The following PPP2R5A variants were observed in gnomAD, a reference collection of about 807,000 sequenced individuals.
PPP2R5A encodes the protein serine/threonine-protein phosphatase 2A 56 kDa regulatory subunit alpha isoform.
PPP2R5A carries 25 observed loss-of-function variants against 64.2 expected under a neutral mutation model. That is an observed-to-expected ratio of 0.39 (90% CI 0.28 to 0.54). PPP2R5A has a LOEUF of 0.54. Among genes scored for constraint, PPP2R5A ranks in the 20% least tolerant of loss-of-function variants. PPP2R5A has a pLI of 0.67. For missense variants in PPP2R5A, 425 were observed against 576.3 expected (o/e 0.74, Z 2.69); for synonymous variants, 198 against 201.2 (o/e 0.98, Z 0.13).
At chr1:212,360,335 G>A (rs551889017) in intron 12 of PPP2R5A, among the ~76,000 whole-genome samples, 2 of 152,286 alleles carry the variant, frequency 1.3e-5, no homozygotes, top group South Asian at 2.1e-4. Flanking sequence ...AGATGTTTAC[G>A]TGAGAAAATT....
chr1:212,286,123 T>TCGCCGC lies in PPP2R5A; in HGVS notation c.16_21dup (p.Pro6_Pro7dup). The stretch of plus-strand genomic sequence containing the variant: ...CAGGGCCGCGGAGATGTCGTCGTCG[T>TCGCCGC]CGCCGCCGGCGGGGGCTGCCAGCGC... On this transcript the variant is annotated inframe_insertion, in exon 1 of 13. Coordinates refer to ENST00000261461, the MANE Select transcript of PPP2R5A (RefSeq NM_006243.4). 1 of 1,577,758 alleles carries TCGCCGC rather than the reference T, an allele frequency of 6.3e-7. No individual in the cohort carries two copies. Among genetic ancestry groups the TCGCCGC allele is most frequent in the Non-Finnish European group, 8.6e-7 (1 of 1,165,376 alleles).
chr1:212,286,029 C>T lies in PPP2R5A; in HGVS notation c.-82C>T. 3.6e-6 allele frequency: 5 copies of T among 1,383,616 alleles called. No homozygotes were observed. The South Asian group carries it at 7.6e-5, about 21-fold the overall frequency. The allele number at this position is 1,383,616 out of a possible 1,614,324, so 85.7% of individuals were successfully genotyped here. On this transcript the variant is annotated 5_prime_UTR_variant, in exon 1 of 13. Transcript: ENST00000261461. ...AGGGGCGCGAGCACCCCGCGCCTCT[C>T]CCCCGCCTCCTCCTGCCGTCTCCGC...
chr1:212,322,233 G>T (rs1659316048), intron 1 of PPP2R5A, among the ~76,000 whole-genome samples: 1 of 138,692 alleles, frequency 7.2e-6, no homozygotes, highest in African/African-American at 2.8e-5. Flanking sequence ...AGAGGGAGAG[G>T]GAGAGGGAGA....
intron 3 of PPP2R5A, among the ~76,000 whole-genome samples, chr1:212,339,094 C>T (rs1659641056): frequency 6.6e-6 from 1 of 152,130 alleles, no homozygotes; most frequent in Admixed American, 6.5e-5. Context: ...AGCATAATCT[C>T]AATTATTCCA....
chr1:212,324,299 G>A (rs1659368930), intron 1 of PPP2R5A, among the ~76,000 whole-genome samples: 1 of 152,166 alleles, frequency 6.6e-6, no homozygotes, highest in South Asian at 2.1e-4. Context: ...AAAAGGAAGT[G>A]TATGTGTGTC....
In PPP2R5A at chr1:212,292,702, GGT is replaced by G. The variant is rs527919623; in HGVS notation, c.181+6417_181+6418del. On this transcript the variant is annotated intron_variant, in intron 1 of 12. Transcript: ENST00000261461. ...ATTGTCCCAAGTAGCTAGGACTACA[GGT>G]GTGTGCTGCCACACCCAGCTAAGTT... Among the ~76,000 whole-genome samples, 3 of 152,284 alleles carry G rather than the reference GGT, an allele frequency of 2.0e-5. No individual in the cohort carries two copies. The South Asian group carries it at 6.2e-4, about 32-fold the overall frequency.
At chr1:212,349,361 TAGA>T (rs1222801695) in intron 8 of PPP2R5A, 119 bp downstream of exon 8, 4 of 682,678 alleles carry the variant, frequency 5.9e-6, no homozygotes, top group Non-Finnish European at 8.8e-6. Context: ...TAAAATCATT[TAGA>T]AGAAGAAATG....
At chr1:212,327,441 G>T (rs1237712672) in intron 1 of PPP2R5A, among the ~76,000 whole-genome samples, 1 of 152,180 alleles carries the variant, frequency 6.6e-6, no homozygotes, top group Non-Finnish European at 1.5e-5. Flanking sequence ...CGAGACTTGA[G>T]TCTCACTCTG....
intron 5 of PPP2R5A, 31 bp downstream of exon 5, chr1:212,345,964 T>A: frequency 6.5e-7 from 1 of 1,530,942 alleles, no homozygotes; most frequent in Non-Finnish European, 8.9e-7. Context: ...ATATTGCACC[T>A]TTTCCTCCTA....
chr1:212,335,496 G>T (rs1260841948), intron 3 of PPP2R5A, among the ~76,000 whole-genome samples: 1 of 150,724 alleles, frequency 6.6e-6, no homozygotes, highest in Non-Finnish European at 1.5e-5. Context: ...AAAGAAAAAA[G>T]ATGAGAGAAA....
intron 1 of PPP2R5A, among the ~76,000 whole-genome samples, chr1:212,291,099 CATTTA>C (rs1658594481): frequency 6.6e-6 from 1 of 151,736 alleles, no homozygotes; most frequent in African/African-American, 2.4e-5. Context: ...TTGGAGAGGT[CATTTA>C]TTTTATTTTA....
intron 1 of PPP2R5A, chr1:212,308,962 CTGTT>C (rs1304445692): frequency 1.0e-5 from 6 of 594,172 alleles, no homozygotes; most frequent in African/African-American, 1.9e-5. Context: ...ATGATATTCT[CTGTT>C]TGATGTAACA....
chr1:212,331,221 C>T (rs1006747581), intron 2 of PPP2R5A, among the ~76,000 whole-genome samples: 8 of 150,886 alleles, frequency 5.3e-5, no homozygotes, highest in Non-Finnish European at 1.0e-4. Flanking sequence ...AGTGCAGTGG[C>T]GTAATCATAG....
Position 212,356,983 on chromosome 1 carries a change from G to C in PPP2R5A, c.1012G>C (p.Asp338His). ...TTTAGGAGAAATTGAAGAAATCTTA[G>C]ATGTCATTGAACCAACACAGTTCAA... ...MFLGEIEEIL[D>H]VIEPTQFKKI... Residue 338 changes from aspartate (D) to histidine (H), a missense_variant, in exon 10 of 13, where the codon GAT (aspartate) becomes CAT (histidine). Around this residue, in one of 4 missense-constraint regions of PPP2R5A, gnomAD observed 177 missense variants for 244.8 expected, o/e 0.72. Coordinates refer to ENST00000261461, the MANE Select transcript of PPP2R5A (RefSeq NM_006243.4). The C allele has an allele frequency of 1.9e-6, 3 of 1,598,016 alleles. No homozygotes were observed. Among genetic ancestry groups the C allele is most frequent in the Non-Finnish European group, 2.6e-6 (3 of 1,170,682 alleles).
intron 7 of PPP2R5A, 25 bp downstream of exon 7, chr1:212,348,522 G>A: frequency 1.4e-6 from 2 of 1,441,548 alleles, no homozygotes; most frequent in South Asian, 2.4e-5. Context: ...CATTTCAGAT[G>A]AAATGAATAT....
chr1:212,311,625 C>A (rs928199063), intron 1 of PPP2R5A, among the ~76,000 whole-genome samples: 1 of 151,970 alleles, frequency 6.6e-6, no homozygotes, highest in African/African-American at 2.4e-5. Flanking sequence ...TGTAAAGCAG[C>A]CTCAGGCAGG....
At chr1:212,330,889 T>C (rs1267811948) in intron 2 of PPP2R5A, among the ~76,000 whole-genome samples, 1 of 151,678 alleles carries the variant, frequency 6.6e-6, no homozygotes, top group Non-Finnish European at 1.5e-5. Context: ...CAGAGTTGGC[T>C]GGGCACAGTG....
At chr1:212,320,667 G>T (rs1276552834) in intron 1 of PPP2R5A, among the ~76,000 whole-genome samples, 1 of 111,104 alleles carries the variant, frequency 9.0e-6, no homozygotes, top group Non-Finnish European at 2.1e-5. Flanking sequence ...CGGATGGGGC[G>T]GCTGGCCGGG....
intron 1 of PPP2R5A, among the ~76,000 whole-genome samples, chr1:212,323,620 TGCTGGGATATA>T (rs1659353740): frequency 6.6e-6 from 1 of 152,258 alleles, no homozygotes; most frequent in Non-Finnish European, 1.5e-5. Context: ...CATTATGTAA[TGCTGGGATATA>T]GTTCTGGGGG....
Sources: allele counts gnomAD v4.1 joint callset (sites outside exome capture counted in the v4.1 genomes callset), GRCh38; gene constraint gnomAD v4.1.1; regional missense constraint gnomAD v4.1.1; transcripts MANE v1.5; gene names NCBI Gene and HGNC (gene_info 2026-07-23, HGNC 2026-07-21).